The following ADGRB3 variants were observed in gnomAD, a reference collection of about 807,000 sequenced individuals.
ADGRB3 encodes the protein brain-specific angiogenesis inhibitor 3.
A neutral mutation model predicts 193.4 loss-of-function variants in ADGRB3; 37 were observed. That is an observed-to-expected ratio of 0.19 (90% confidence interval 0.15 to 0.25). ADGRB3 has a LOEUF of 0.25. Among genes scored for constraint, ADGRB3 ranks in the 10% least tolerant of loss-of-function variants. The probability of loss-of-function intolerance (pLI) is 1.00; values close to 1 mark genes in which losing one functional copy is unlikely to be tolerated. For missense variants in ADGRB3, 1,637 were observed against 1,852.9 expected, an observed-to-expected ratio of 0.88 and a Z score of 2.14; for synonymous variants, 690 against 644.2, an observed-to-expected ratio of 1.07 and a Z score of -1.08.
At chr6:69,157,123 T>A (rs189980537) in intron 17 of ADGRB3, among the ~76,000 whole-genome samples, 102 of 152,318 alleles carry the variant, frequency 6.7e-4, no homozygotes, top group African/African-American at 2.3e-3. Context: ...TTAACCTCAA[T>A]GGCCCTCAGT....
intron 8 of ADGRB3, among the ~76,000 whole-genome samples, chr6:68,962,857 C>T (rs1768273572): frequency 6.6e-6 from 1 of 152,116 alleles, no homozygotes; most frequent in South Asian, 2.1e-4. Context: ...CCTAAGACTG[C>T]CCCAGCACTC....
At chr6:69,122,415 G>T (rs1159672969) in intron 17 of ADGRB3, among the ~76,000 whole-genome samples, 1 of 140,560 alleles carries the variant, frequency 7.1e-6, no homozygotes, top group Admixed American at 7.7e-5. Context: ...CGGCAGTACA[G>T]TCCAGCCTCA....
At chr6:69,035,358 T>C (rs1414580155) in intron 13 of ADGRB3, among the ~76,000 whole-genome samples, 4 of 62,412 alleles carry the variant, frequency 6.4e-5, no homozygotes, top group African/African-American at 2.0e-4. Flanking sequence ...ATGGGTTTTT[T>C]GCTTTTTTTG....
chr6:69,132,585 C>T (rs777140102), intron 17 of ADGRB3, among the ~76,000 whole-genome samples: 37 of 152,150 alleles, frequency 2.4e-4, no homozygotes, highest in Non-Finnish European at 5.0e-4. Context: ...TGCCTGTCCA[C>T]TCTAATGATA....
intron 13 of ADGRB3, among the ~76,000 whole-genome samples, chr6:69,026,915 C>T (rs1203058472): frequency 6.6e-6 from 1 of 152,158 alleles, no homozygotes; most frequent in Non-Finnish European, 1.5e-5. Context: ...CTGCATGAGT[C>T]AGTGAGTGAG....
chr6:69,339,125 T>G, intron 25 of ADGRB3, 111 bp downstream of exon 25: 1 of 1,221,414 alleles, frequency 8.2e-7, no homozygotes, highest in Admixed American at 2.2e-5. Context: ...GAGAGTATAT[T>G]TAAATATTTA....
chr6:68,772,888 AAAAAAAATATATATATATATATAT>A (rs1766655582), intron 3 of ADGRB3, among the ~76,000 whole-genome samples: 2 of 51,936 alleles, frequency 3.9e-5, no homozygotes, highest in African/African-American at 1.0e-4. Context: ...CAAACAAAAA[AAAAAAAATATATATATATATATAT>A]ATATATATAT....
intron 3 of ADGRB3, among the ~76,000 whole-genome samples, chr6:68,717,397 A>G (rs2127320700): frequency 6.6e-6 from 1 of 151,908 alleles, no homozygotes; most frequent in Admixed American, 6.6e-5. Flanking sequence ...ATGTTACATC[A>G]TAACAAATTT....
At chr6:68,819,610 AG>A (rs1349146305) in intron 3 of ADGRB3, among the ~76,000 whole-genome samples, 1 of 152,018 alleles carries the variant, frequency 6.6e-6, no homozygotes, top group Admixed American at 6.6e-5. Context: ...TCTTCCTGGA[AG>A]TACCAGTGCA....
chr6:68,840,369 CTTTTTTTTTTTTTTTTTTTTTTTT>C (rs752625602), intron 3 of ADGRB3, among the ~76,000 whole-genome samples: 9 of 69,426 alleles, frequency 1.3e-4, no homozygotes, highest in Admixed American at 1.8e-4. Context: ...ACTGGGCAGT[CTTTTTTTTTTTTTTTTTTTTTTTT>C]TTTTTTTTTT....
Position 68,639,110 on chromosome 6 carries a change from GGAA to G in ADGRB3, c.441_443del (p.Glu147del), listed in dbSNP as rs1768020424. On this transcript the variant is annotated inframe_deletion, in exon 3 of 32. Coordinates refer to ENST00000370598, the MANE Select transcript of ADGRB3 (RefSeq NM_001704.3). Reference sequence around the variant, plus strand: ...ATTTCCCAGGATTACAGAAAAAAGGGGAAGAAGATCAGAAATCTTTTTTTGAGT... The same window carrying G: ...ATTTCCCAGGATTACAGAAAAAAGGGGAAGATCAGAAATCTTTTTTTGAGT... 3 of 1,614,034 alleles carry G rather than the reference GGAA, an allele frequency of 1.9e-6. No individual in the cohort carries two copies. Among genetic ancestry groups the G allele is most frequent in the Non-Finnish European group, 2.5e-6 (3 of 1,180,024 alleles).
intron 3 of ADGRB3, among the ~76,000 whole-genome samples, chr6:68,910,504 G>A (rs1487377891): frequency 1.3e-5 from 2 of 152,170 alleles, no homozygotes; most frequent in Non-Finnish European, 2.9e-5. Context: ...GAATGGTATT[G>A]CCTAGGTTTT....
At chr6:69,328,677 C>T (rs972173306) in intron 22 of ADGRB3, among the ~76,000 whole-genome samples, 2 of 152,058 alleles carry the variant, frequency 1.3e-5, no homozygotes, top group African/African-American at 2.4e-5. Context: ...AAATTGTAAA[C>T]ATACTGAGAG....
intron 17 of ADGRB3, among the ~76,000 whole-genome samples, chr6:69,107,141 T>C (rs1348277116): frequency 2.0e-5 from 3 of 152,236 alleles, no homozygotes; most frequent in Non-Finnish European, 4.4e-5. Context: ...ATAGCCACTA[T>C]GACTAATCTT....
intron 3 of ADGRB3, among the ~76,000 whole-genome samples, chr6:68,904,253 A>G (rs1395714647): frequency 6.6e-6 from 1 of 152,170 alleles, no homozygotes; most frequent in Non-Finnish European, 1.5e-5. Context: ...GTATTTGTGT[A>G]TCTAAACACA....
chr6:68,944,139 T>C, intron 6 of ADGRB3, 145 bp downstream of exon 6: 1 of 813,584 alleles, frequency 1.2e-6, no homozygotes, highest in South Asian at 2.8e-5. Flanking sequence ...TAAAACTGGG[T>C]ACTTTTCTTG....
At chr6:68,797,336 G>A (rs1196835531) in intron 3 of ADGRB3, among the ~76,000 whole-genome samples, 4 of 151,880 alleles carry the variant, frequency 2.6e-5, no homozygotes, top group Non-Finnish European at 4.4e-5. Context: ...GTAAGAGAAA[G>A]CTTTTTTGGA....
At chr6:69,177,800 T>C (rs1036028759) in intron 17 of ADGRB3, among the ~76,000 whole-genome samples, 5 of 152,230 alleles carry the variant, frequency 3.3e-5, no homozygotes, top group Non-Finnish European at 7.3e-5. Flanking sequence ...TCTGACAGTA[T>C]GATTGATATG....
chr6:69,274,933 C>G (rs563317205), intron 20 of ADGRB3, among the ~76,000 whole-genome samples: 26 of 152,234 alleles, frequency 1.7e-4, no homozygotes, highest in African/African-American at 6.3e-4. Flanking sequence ...CCCAACCCTC[C>G]TCATCCCTGT....
Sources: allele counts gnomAD v4.1 joint callset (sites outside exome capture counted in the v4.1 genomes callset), GRCh38; gene constraint gnomAD v4.1.1; transcripts MANE v1.5; gene names NCBI Gene and HGNC (gene_info 2026-07-23, HGNC 2026-07-21).